The following JKAMP variants were observed in gnomAD, a reference collection of about 807,000 sequenced individuals.
JKAMP encodes JNK1/MAPK8 associated membrane protein.
A neutral mutation model predicts 40.2 loss-of-function variants in JKAMP; 20 were observed. That is an observed-to-expected ratio of 0.50 (90% CI 0.35 to 0.72). The LOEUF is 0.72. JKAMP is among the 30% of genes least tolerant of loss of function. The pLI is 0.01. For synonymous variants in JKAMP, 138 were observed against 131.6 expected (o/e 1.05, Z -0.33); for missense variants, 276 against 373.0 (o/e 0.74, Z 2.14).
At position 59,505,145 on chromosome 14, in the gene JKAMP, G is replaced by C. The variant is rs911117144; in HGVS notation, c.*1073G>C. The C allele has an allele frequency of 3.9e-6, 2 of 518,364 alleles. No homozygotes were observed. The highest frequency in any genetic ancestry group is 3.2e-6 in the Non-Finnish European group (1 of 308,152). The allele number at this position is 518,364 out of a possible 1,614,324, so 32.1% of individuals were successfully genotyped here. ...AATTAGTTAAATTTTAAATGTTTAA[G>C]ACTTCTATTAACAGCTGCAAAATAT... is the stretch of plus-strand genomic sequence containing the variant. On this transcript the variant is annotated 3_prime_UTR_variant, in exon 7 of 7. Transcript: ENST00000616435.
At chr14:59,502,645 T>A (rs1028718320) in intron 6 of JKAMP, among the ~76,000 whole-genome samples, 3 of 152,076 alleles carry the variant, frequency 2.0e-5, no homozygotes, top group Admixed American at 2.0e-4. Flanking sequence ...AGCATTGAAA[T>A]ATAATTAAAG....
At chr14:59,484,761 G>T (rs942966296) in intron 1 of JKAMP, 168 bp downstream of exon 1, 12 of 993,784 alleles carry the variant, frequency 1.2e-5, no homozygotes, top group South Asian at 4.7e-5. Context: ...GCGGGGTTGG[G>T]GTGGTCTGTC....
At chr14:59,490,612 C>T (rs1594936086) in intron 3 of JKAMP, among the ~76,000 whole-genome samples, 1 of 152,152 alleles carries the variant, frequency 6.6e-6, no homozygotes, top group Non-Finnish European at 1.5e-5. Flanking sequence ...GAAATAGAAT[C>T]AGCAGTTTTC....
intron 6 of JKAMP, among the ~76,000 whole-genome samples, chr14:59,503,247 AAGTT>A (rs1480593846): frequency 3.9e-5 from 6 of 152,336 alleles, no homozygotes; most frequent in Admixed American, 2.0e-4. Flanking sequence ...TAATAAGAGA[AAGTT>A]AGTAACTAAC....
At chr14:59,495,615 A>T (rs1375837424) in intron 4 of JKAMP, among the ~76,000 whole-genome samples, 1 of 152,218 alleles carries the variant, frequency 6.6e-6, no homozygotes, top group Non-Finnish European at 1.5e-5. Context: ...TTCTGTATGC[A>T]ATTATGCCAG....
chr14:59,488,312 A>G (rs1489082562), intron 3 of JKAMP, among the ~76,000 whole-genome samples: 2 of 152,160 alleles, frequency 1.3e-5, no homozygotes, highest in Non-Finnish European at 2.9e-5. Flanking sequence ...AATAACTGAC[A>G]TGGCTTATAG....
intron 3 of JKAMP, among the ~76,000 whole-genome samples, chr14:59,491,652 T>A (rs903802944): frequency 6.6e-6 from 1 of 152,200 alleles, no homozygotes; most frequent in Non-Finnish European, 1.5e-5. Context: ...ATGAAATAAC[T>A]AAAGTCTGGG....
chr14:59,502,773 T>TTTTTTG lies in JKAMP; in HGVS notation c.718-1081_718-1080insTTTTTG, dbSNP rs796697193. Reference sequence around the variant, plus strand: ...AGATTTTTTTTTTTTTTTTTTTTTTTCGGAGTCTCACTCTGTCGCTTAGGC... The same window carrying TTTTTTG: ...AGATTTTTTTTTTTTTTTTTTTTTTTTTTTTGCGGAGTCTCACTCTGTCGCTTAGGC... On this transcript the variant is annotated intron_variant, in intron 6 of 6. Coordinates refer to ENST00000616435, the MANE Select transcript of JKAMP (RefSeq NM_016475.5). Among the ~76,000 whole-genome samples the TTTTTTG allele has an allele frequency of 3.6e-3, 367 of 102,782 alleles. 24 individuals carry two copies. The highest frequency in any genetic ancestry group is 7.2e-3 in the African/African-American group (185 of 25,760). The allele number at this position is 102,782 out of a possible 152,430, so 67.4% of individuals were successfully genotyped here. A position where few individuals can be genotyped will look rare whatever the true frequency, so the allele number is the denominator to read the frequency against.
intron 2 of JKAMP, 158 bp from the exon 3 acceptor site, chr14:59,487,516 C>A: frequency 1.8e-6 from 1 of 562,122 alleles, no homozygotes; most frequent in Non-Finnish European, 3.1e-6. Flanking sequence ...ATATAGATTT[C>A]TTTTTATTTT....
At chr14:59,485,457 C>G (rs947623492) in intron 1 of JKAMP, 1 of 210,938 alleles carries the variant, frequency 4.7e-6, no homozygotes, top group Non-Finnish European at 9.3e-6. Context: ...CTCTTTTTCT[C>G]TCAGCAGCAT....
chr14:59,486,930 G>T, intron 2 of JKAMP, 126 bp downstream of exon 2: 1 of 699,276 alleles, frequency 1.4e-6, no homozygotes, highest in East Asian at 2.8e-5. Context: ...ACCAGGCGCA[G>T]TGGCTCATGC....
intron 5 of JKAMP, chr14:59,500,906 A>G: frequency 3.7e-6 from 1 of 267,264 alleles, no homozygotes; most frequent in East Asian, 7.4e-5. Context: ...TTTTTATTGG[A>G]ACACAGCCGT....
intron 3 of JKAMP, among the ~76,000 whole-genome samples, chr14:59,490,190 G>C (rs372644478): frequency 2.8e-4 from 43 of 152,256 alleles, no homozygotes; most frequent in African/African-American, 1.0e-3. Context: ...CCAAAGTGCT[G>C]GGATTATAGA....
At position 59,498,735 on chromosome 14, in the gene JKAMP, T is replaced by TTTATC; in HGVS notation, c.468_469insTATCT (p.Val157TyrfsTer13). 7 of 1,501,474 alleles carry TTTATC rather than the reference T, an allele frequency of 4.7e-6. No homozygotes were observed. The highest frequency in any genetic ancestry group is 6.4e-6 in the Non-Finnish European group (7 of 1,093,424). The allele number at this position is 1,501,474 out of a possible 1,614,324, so 93.0% of individuals were successfully genotyped here. The stretch of plus-strand genomic sequence containing the variant: ...TTTATTTTATTTTACAGATATACCA[T>TTTATC]TGTATTTATCTATTACGCATTCTGC... On this transcript the variant is annotated frameshift_variant, in exon 5 of 7. Transcript: ENST00000616435. LOFTEE classifies it high-confidence loss of function.
chr14:59,498,825 C>G lies in JKAMP; in HGVS notation c.557C>G (p.Ser186Cys). The part of the protein sequence containing the change: ...VKKIACGLGK[S>C]DRFKSIYAAL... ...AAGATTGCATGTGGGTTAGGGAAATCTGATCGATTTAAAAGTATTTATGCT... is the reference window on the plus strand; with the variant it reads ...AAGATTGCATGTGGGTTAGGGAAATGTGATCGATTTAAAAGTATTTATGCT... Residue 186 changes from serine to cysteine, a missense_variant, in exon 5 of 7, where the codon TCT becomes TGT. Ser to Cys is a moderately radical substitution (Grantham distance 112). Transcript: ENST00000616435. 3 of 1,612,712 alleles carry G rather than the reference C, an allele frequency of 1.9e-6. No homozygotes were observed. Among genetic ancestry groups the G allele is most frequent in the Non-Finnish European group, 2.5e-6 (3 of 1,179,108 alleles).
At chr14:59,500,298 C>T (rs1891775302) in intron 5 of JKAMP, among the ~76,000 whole-genome samples, 1 of 152,164 alleles carries the variant, frequency 6.6e-6, no homozygotes, top group Non-Finnish European at 1.5e-5. Flanking sequence ...CCTGAGTTAA[C>T]ATTTGAAATT....
intron 3 of JKAMP, among the ~76,000 whole-genome samples, chr14:59,490,436 T>C (rs1323963808): frequency 6.6e-6 from 1 of 152,198 alleles, no homozygotes; most frequent in Non-Finnish European, 1.5e-5. Flanking sequence ...GTGAATCGTT[T>C]ATTGGTGAAG....
At chr14:59,493,745 A>G (rs1042051413) in intron 3 of JKAMP, among the ~76,000 whole-genome samples, 1 of 152,212 alleles carries the variant, frequency 6.6e-6, no homozygotes, top group African/African-American at 2.4e-5. Flanking sequence ...TAAAATTTAT[A>G]TGGAAGAGCA....
chr14:59,499,310 A>G (rs890704619), intron 5 of JKAMP, among the ~76,000 whole-genome samples: 3 of 152,080 alleles, frequency 2.0e-5, no homozygotes, highest in Non-Finnish European at 2.9e-5. Flanking sequence ...CGAAATTAAA[A>G]TATTTTAAAA....
Sources: allele counts gnomAD v4.1 joint callset (sites outside exome capture counted in the v4.1 genomes callset), GRCh38; gene constraint gnomAD v4.1.1; transcripts MANE v1.5; gene names NCBI Gene and HGNC (gene_info 2026-07-23, HGNC 2026-07-21).